The following NADK2 variants were observed in gnomAD, a reference collection of about 807,000 sequenced individuals.
The protein encoded by NADK2 is NAD kinase domain-containing protein 1, mitochondrial.
Under a neutral mutation model 62.1 loss-of-function variants are expected in NADK2, and 35 were observed. That is an observed-to-expected ratio of 0.56 (90% CI 0.43 to 0.75). The LOEUF (loss-of-function observed/expected upper bound fraction) is 0.75, where lower values mean the gene tolerates loss of function less well. Among genes scored for constraint, NADK2 ranks in the 30% least tolerant of loss-of-function variants. The pLI is 0.00. For synonymous variants in NADK2, 205 were observed against 207.9 expected, an observed-to-expected ratio of 0.99 and a Z score of 0.12; for missense variants, 439 against 561.3, an observed-to-expected ratio of 0.78 and a Z score of 2.20.
chr5:36,199,166 C>T (rs960924519), intron 10 of NADK2, among the ~76,000 whole-genome samples: 1 of 151,554 alleles, frequency 6.6e-6, no homozygotes, highest in African/African-American at 2.4e-5. Flanking sequence ...CAAACCTGCA[C>T]GTTGTGCACA....
At chr5:36,217,064 G>C (rs1230899110) in intron 6 of NADK2, among the ~76,000 whole-genome samples, 1 of 151,966 alleles carries the variant, frequency 6.6e-6, no homozygotes, top group Non-Finnish European at 1.5e-5. Flanking sequence ...AGAGAGCAGA[G>C]GCAGAAAGCA....
intron 1 of NADK2, among the ~76,000 whole-genome samples, chr5:36,238,805 T>C (rs761920544): frequency 6.6e-6 from 1 of 152,180 alleles, no homozygotes; most frequent in Non-Finnish European, 1.5e-5. Flanking sequence ...AAGACAAGAT[T>C]TTAAAATAAA....
intron 1 of NADK2, among the ~76,000 whole-genome samples, chr5:36,237,717 T>C (rs927975656): frequency 3.3e-5 from 5 of 152,232 alleles, no homozygotes; most frequent in African/African-American, 9.6e-5. Context: ...AAGGGACTTA[T>C]CTGCCATTCT....
At chr5:36,211,097 G>C (rs1161525117) in intron 7 of NADK2, among the ~76,000 whole-genome samples, 1 of 152,050 alleles carries the variant, frequency 6.6e-6, no homozygotes, top group African/African-American at 2.4e-5. Flanking sequence ...GATCACCTGA[G>C]GTCAGGAGTT....
At position 36,195,205 on chromosome 5, in the gene NADK2, G is replaced by A. The variant is rs1305304713; in HGVS notation, c.1268C>T (p.Ala423Val). 6 of 1,613,338 alleles carry A rather than the reference G, an allele frequency of 3.7e-6. No individual in the cohort carries two copies. Among genetic ancestry groups the A allele is most frequent in the Non-Finnish European group, 5.1e-6 (6 of 1,179,732 alleles). ...GGTSFEFNDG[A>V]IASMMINKED... The stretch of plus-strand genomic sequence containing the variant: ...TTTATTGATCATCATCGAAGCAATT[G>A]CACCATCATTAAACTCAAAAGAAGT... Residue 423 changes from alanine to valine, a missense_variant, in exon 12 of 12, where the codon GCA (alanine) becomes GTA (valine). Transcript: ENST00000381937.
At chr5:36,240,946 T>C (rs1748086517) in intron 1 of NADK2, among the ~76,000 whole-genome samples, 2 of 152,218 alleles carry the variant, frequency 1.3e-5, no homozygotes, top group South Asian at 4.1e-4. Flanking sequence ...AGGCTCACGC[T>C]GAAGGACTTT....
chr5:36,200,274 C>A lies in NADK2; in HGVS notation c.1019G>T (p.Arg340Leu). Residue 340 changes from arginine to leucine, a missense_variant, in exon 10 of 12, where the codon CGA becomes CTA. Transcript: ENST00000381937. ...CAATGGAAGACTCAAATTTCCTTGT[C>A]GTTTTGCTGTTGAAAAAGGAAAGGG... is the stretch of plus-strand genomic sequence containing the variant. The part of the protein sequence containing the change: ...AVEDVLNIAK[R>L]QGNLSLPLNR... The A allele has an allele frequency of 6.4e-7, 1 of 1,573,780 alleles. No homozygotes were observed. Among genetic ancestry groups the A allele is most frequent in the South Asian group, 1.2e-5 (1 of 84,806 alleles).
Position 36,207,094 on chromosome 5 carries a change from G to T in NADK2, c.956+76C>A, listed in dbSNP as rs1746668125. ...CCAGGACACCTCTTGCATATTACAGGCCTTAGATGGGCCAAAATATTACAT... is the reference window on the plus strand; with the variant it reads ...CCAGGACACCTCTTGCATATTACAGTCCTTAGATGGGCCAAAATATTACAT... On this transcript the variant is annotated intron_variant, in intron 8 of 11. Coordinates refer to ENST00000381937, the MANE Select transcript of NADK2 (RefSeq NM_001085411.3). 8 of 1,148,438 alleles carry T rather than the reference G, an allele frequency of 7.0e-6. No homozygotes were observed. The Admixed American group carries it at 1.4e-4, about 20-fold the overall frequency. The allele number at this position is 1,148,438 out of a possible 1,614,324, so 71.1% of individuals were successfully genotyped here. A position where few individuals can be genotyped will look rare whatever the true frequency, so the allele number is the denominator to read the frequency against.
Position 36,217,768 on chromosome 5 carries a change from A to G in NADK2, c.761T>C (p.Ile254Thr), listed in dbSNP as rs754695065. 1 of 1,613,884 alleles carries G rather than the reference A, an allele frequency of 6.2e-7. No individual in the cohort carries two copies. The highest frequency in any genetic ancestry group is 8.5e-7 in the Non-Finnish European group (1 of 1,179,852). Residue 254 changes from isoleucine to threonine, a missense_variant, in exon 6 of 12, where the codon ATT becomes ACT. Ile to Thr is a moderately conservative substitution (Grantham distance 89). Transcript: ENST00000381937. Reference protein sequence around the residue: ...SLNQHNRALNIERAHDERSEA... With the variant: ...SLNQHNRALNTERAHDERSEA... ...CCTACTTTCATCATGAGCTCTTTCAATGTTAAGGGCTCTATTGTGCTGATT... is the reference window on the plus strand; with the variant it reads ...CCTACTTTCATCATGAGCTCTTTCAGTGTTAAGGGCTCTATTGTGCTGATT...
chr5:36,199,072 G>A, intron 10 of NADK2, among the ~76,000 whole-genome samples: 1 of 151,686 alleles, frequency 6.6e-6, no homozygotes, highest in East Asian at 1.9e-4. Flanking sequence ...GTGGGGGGAG[G>A]AATAGCATTA....
chr5:36,227,611 C>T (rs767105777), intron 1 of NADK2, 46 bp from the exon 2 acceptor site: 17 of 1,041,652 alleles, frequency 1.6e-5, no homozygotes, highest in Non-Finnish European at 2.0e-5. Flanking sequence ...ATATATTACA[C>T]ATGATGTTCT....
intron 1 of NADK2, among the ~76,000 whole-genome samples, chr5:36,230,335 G>A (rs780087419): frequency 2.0e-5 from 3 of 152,170 alleles, no homozygotes; most frequent in Non-Finnish European, 4.4e-5. Flanking sequence ...TAACCCTGGG[G>A]TGCCAGGACT....
Position 36,217,750 on chromosome 5 carries a change from T to C in NADK2, c.779A>G (p.Glu260Gly), listed in dbSNP as rs772672205. Residue 260 changes from glutamate to glycine, a missense_variant and splice_region_variant, in exon 6 of 12, where the codon GAA (glutamate) becomes GGA (glycine). Transcript: ENST00000381937. ...RALNIERAHD[E>G]RSEASGPQLL... Reference sequence around the variant, plus strand: ...CATCTGATGCCCAATCCACCTACTTTCATCATGAGCTCTTTCAATGTTAAG... The same window carrying C: ...CATCTGATGCCCAATCCACCTACTTCCATCATGAGCTCTTTCAATGTTAAG... The C allele has an allele frequency of 6.2e-7, 1 of 1,613,704 alleles. No individual in the cohort carries two copies. Among genetic ancestry groups the C allele is most frequent in the African/African-American group, 1.3e-5 (1 of 74,870 alleles).
Position 36,241,697 on chromosome 5 carries a change from C to G in NADK2, c.102G>C (p.Arg34=), listed in dbSNP as rs943197159. Residue 34 remains arginine (R), a synonymous_variant, in exon 1 of 12, where the codon CGG becomes CGC. Coordinates refer to ENST00000381937, the MANE Select transcript of NADK2 (RefSeq NM_001085411.3). The surrounding 1 kb of genome is among the most constrained non-coding windows in gnomAD (Gnocchi z 4.9). ...RGPGAGGPAA[R]PRLGGDGGGR... ...CGCCACCGTCACCGCCCAGCCGGGG[C>G]CGCGCGGCGGGGCCTCCCGCACCCG... is the stretch of plus-strand genomic sequence containing the variant. 8.8e-7 allele frequency: 1 copy of G among 1,135,190 alleles called. No individual in the cohort carries two copies. Among genetic ancestry groups the G allele is most frequent in the African/African-American group, 1.7e-5 (1 of 60,456 alleles). The allele number at this position is 1,135,190 out of a possible 1,614,324, so 70.3% of individuals were successfully genotyped here.
chr5:36,241,734 G>T lies in NADK2; in HGVS notation c.65C>A (p.Ala22Glu), dbSNP rs1306538889. ...GCCTCCCGCACCCGGTCCCCGCAGC[G>T]CCGCCGCCCGGCCGCCCGCCACGCG... ...CCRVAGGRAA[A>E]LRGPGAGGPA... Residue 22 changes from alanine to glutamate, a missense_variant, in exon 1 of 12, where the codon GCG (alanine) becomes GAG (glutamate). Ala to Glu is a moderately radical substitution (Grantham distance 107). Transcript: ENST00000381937. This position sits in a 1 kb window ranked among gnomAD's most constrained non-coding sequence, Gnocchi z 4.9. 2 of 1,264,608 alleles carry T rather than the reference G, an allele frequency of 1.6e-6. No homozygotes were observed. The highest frequency in any genetic ancestry group is 3.5e-5 in the Admixed American group (1 of 28,804). 78.3% of individuals were successfully genotyped at this position (1,264,608 alleles called of 1,614,324 possible). A position where few individuals can be genotyped will look rare whatever the true frequency, so the allele number is the denominator to read the frequency against.
At position 36,200,253 on chromosome 5, in the gene NADK2, G is replaced by T; in HGVS notation, c.1040C>A (p.Pro347Gln). ...TTTCTCTACCAATTCTCTGTTCAAT[G>T]GAAGACTCAAATTTCCTTGTCGTTT... ...IAKRQGNLSL[P>Q]LNRELVEKVT... The change falls in exon 10 of 12, where the codon CCA (proline) becomes CAA (glutamine). Residue 347 changes from proline to glutamine, a missense_variant. Pro to Gln is a moderately conservative substitution (Grantham distance 76). Coordinates refer to ENST00000381937, the MANE Select transcript of NADK2 (RefSeq NM_001085411.3). 6.3e-7 allele frequency: 1 copy of T among 1,582,072 alleles called. No homozygotes were observed. The highest frequency in any genetic ancestry group is 1.2e-5 in the South Asian group (1 of 86,114).
chr5:36,200,161 C>T, intron 10 of NADK2, 66 bp downstream of exon 10: 1 of 1,164,568 alleles, frequency 8.6e-7, no homozygotes, highest in Non-Finnish European at 1.2e-6. Context: ...AACAACACTT[C>T]ACACTATCAT....
rs766071703 is a variant in NADK2, at chr5:36,241,556, C to T, written c.243G>A (p.Glu81=). The change falls in exon 1 of 12, where the codon GAG becomes GAA. Residue 81 remains glutamate, a synonymous_variant. Transcript: ENST00000381937. The surrounding 1 kb of genome is among the most constrained non-coding windows in gnomAD (Gnocchi z 4.9). The stretch of plus-strand genomic sequence containing the variant: ...CGTAACGGTACCGCTGCTGCTCGAA[C>T]TCGTACCGGGTGGTTTTGGCCACCA... ...VVVVAKTTRY[E]FEQQRYRYAE... The T allele has an allele frequency of 1.2e-5, 19 of 1,563,212 alleles. No homozygotes were observed. The South Asian group carries it at 1.7e-4, about 14-fold the overall frequency.
At chr5:36,200,320 A>T in intron 9 of NADK2, 40 bp from the exon 10 acceptor site, 1 of 1,347,104 alleles carries the variant, frequency 7.4e-7, no homozygotes, top group Non-Finnish European at 1.0e-6. Context: ...TGTTATAAAT[A>T]TATATATCTT....
Sources: gnomAD v4.1 joint callset for allele counts (sites outside exome capture counted in the v4.1 genomes callset) on GRCh38, gnomAD v4.1.1 for gene constraint, Gnocchi (gnomAD v3.1) non-coding constraint, MANE v1.5 for transcripts, NCBI Gene and HGNC (gene_info 2026-07-23, HGNC 2026-07-21) for gene names.